The following FIP1L1 variants were observed in gnomAD, a reference collection of about 807,000 sequenced individuals.
FIP1L1 encodes factor interacting with PAPOLA and CPSF1, also known as pre-mRNA 3'-end-processing factor FIP1.
Under a neutral mutation model 84.6 loss-of-function variants are expected in FIP1L1, and 21 were observed. The ratio of observed to expected loss-of-function variants is 0.25; its 90% CI spans 0.18 to 0.36. The LOEUF (loss-of-function observed/expected upper bound fraction) is 0.36, where lower values mean the gene tolerates loss of function less well. Among genes scored for constraint, FIP1L1 ranks in the 10% least tolerant of loss-of-function variants. The pLI, the probability that FIP1L1 is intolerant of heterozygous loss-of-function variation, is 1.00. For synonymous variants in FIP1L1, 263 were observed against 242.3 expected (o/e 1.09, Z -0.80); for missense variants, 526 against 751.1 (o/e 0.70, Z 3.50).
intron 5 of FIP1L1, among the ~76,000 whole-genome samples, chr4:53,385,301 A>G (rs992635882): frequency 1.3e-5 from 2 of 152,138 alleles, no homozygotes; most frequent in Non-Finnish European, 2.9e-5. Context: ...GCAAATGACA[A>G]TTTTTTTGGA....
chr4:53,406,172 A>T (rs1241457094), intron 10 of FIP1L1, among the ~76,000 whole-genome samples: 1 of 152,092 alleles, frequency 6.6e-6, no homozygotes, highest in Non-Finnish European at 1.5e-5. Context: ...TATTATTTTG[A>T]GATACGTCCT....
intron 16 of FIP1L1, 110 bp downstream of exon 16, chr4:53,453,243 A>T: frequency 8.1e-7 from 1 of 1,229,828 alleles, no homozygotes; most frequent in Admixed American, 1.9e-5. Flanking sequence ...ATGCTCAGGG[A>T]GTACATAGGA....
chr4:53,408,868 G>T (rs1380608907), intron 10 of FIP1L1, among the ~76,000 whole-genome samples: 1 of 152,094 alleles, frequency 6.6e-6, no homozygotes, highest in Non-Finnish European at 1.5e-5. Flanking sequence ...GCACTTCTCT[G>T]TATTGGTTAT....
intron 10 of FIP1L1, among the ~76,000 whole-genome samples, chr4:53,414,325 ATGTAT>A (rs1758480669): frequency 6.6e-6 from 1 of 152,130 alleles, no homozygotes; most frequent in African/African-American, 2.4e-5. Context: ...TTTTTGATTA[ATGTAT>A]TGTAACCTGA....
intron 17 of FIP1L1, among the ~76,000 whole-genome samples, 197 bp downstream of exon 17, chr4:53,458,987 C>G (rs1320099263): frequency 6.6e-6 from 1 of 152,078 alleles, no homozygotes; most frequent in African/African-American, 2.4e-5. Context: ...AAAATCAACC[C>G]TATACAGTAT....
intron 9 of FIP1L1, among the ~76,000 whole-genome samples, chr4:53,395,912 T>C (rs1746998548): frequency 1.0e-5 from 1 of 97,478 alleles, no homozygotes; most frequent in Non-Finnish European, 2.1e-5. Context: ...CATAACTGTA[T>C]TTTATGATTT....
intron 11 of FIP1L1, 147 bp downstream of exon 11, chr4:53,414,869 GT>G: frequency 1.9e-6 from 1 of 526,102 alleles, no homozygotes; most frequent in East Asian, 3.2e-5. Context: ...AGGTTTTTTA[GT>G]TACCTTATAA....
At chr4:53,378,565 C>G (rs1280207656) in intron 1 of FIP1L1, 1 of 153,004 alleles carries the variant, frequency 6.5e-6, no homozygotes, top group Non-Finnish European at 1.5e-5. Context: ...ACCGTTTAAC[C>G]TACATCATGG....
chr4:53,431,321 T>G (rs1404207605), intron 13 of FIP1L1, among the ~76,000 whole-genome samples: 7 of 152,170 alleles, frequency 4.6e-5, no homozygotes, highest in African/African-American at 1.4e-4. Flanking sequence ...TAAATCACCT[T>G]AAGAATCATA....
At chr4:53,420,782 T>C (rs555363121) in intron 11 of FIP1L1, among the ~76,000 whole-genome samples, 4 of 152,298 alleles carry the variant, frequency 2.6e-5, no homozygotes, top group African/African-American at 9.6e-5. Flanking sequence ...ATTCCTGGGC[T>C]CAAGTACCAC....
At chr4:53,431,014 G>A (rs1242711599) in intron 13 of FIP1L1, among the ~76,000 whole-genome samples, 3 of 152,160 alleles carry the variant, frequency 2.0e-5, no homozygotes, top group East Asian at 3.8e-4. Flanking sequence ...GTTGGGGAGC[G>A]TACAGGCTAT....
intron 13 of FIP1L1, among the ~76,000 whole-genome samples, chr4:53,430,374 G>T (rs1766084813): frequency 7.2e-6 from 1 of 139,052 alleles, no homozygotes; most frequent in Non-Finnish European, 1.5e-5. Context: ...TTGGAGACAG[G>T]GTCTCACTCT....
chr4:53,383,899 A>T (rs1413843845), intron 5 of FIP1L1, 23 bp downstream of exon 5: 1 of 1,605,606 alleles, frequency 6.2e-7, no homozygotes, highest in East Asian at 2.2e-5. Flanking sequence ...TTAGTAAGTA[A>T]CAATTGTGTA....
At chr4:53,449,100 TTTGTTTTG>T (rs1209468935) in intron 15 of FIP1L1, among the ~76,000 whole-genome samples, 1 of 152,096 alleles carries the variant, frequency 6.6e-6, no homozygotes, top group African/African-American at 2.4e-5. Flanking sequence ...TGTCCCTTTT[TTTGTTTTG>T]TTTATTTGTT....
intron 10 of FIP1L1, among the ~76,000 whole-genome samples, chr4:53,404,564 A>G (rs28804401): frequency 0.045 from 6,807 of 150,980 alleles, 370 homozygotes; most frequent in African/African-American, 0.13. Flanking sequence ...ATTTCTAGTT[A>G]TAGATCCCTG....
At chr4:53,442,173 A>G (rs1772233110) in intron 13 of FIP1L1, 2 of 153,092 alleles carry the variant, frequency 1.3e-5, no homozygotes, top group South Asian at 4.1e-4. Context: ...GGATATTCTC[A>G]GCTTTGAACA....
At position 53,388,631 on chromosome 4, in the gene FIP1L1, G is replaced by A. The variant is rs190419555; in HGVS notation, c.333-1178G>A. Among the ~76,000 whole-genome samples the A allele has an allele frequency of 3.4e-3, 521 of 152,228 alleles. 3 individuals are homozygous for A. Among genetic ancestry groups the A allele is most frequent in the African/African-American group, 8.7e-3 (363 of 41,550 alleles). On this transcript the variant is annotated intron_variant, in intron 5 of 17. Coordinates refer to ENST00000337488, the MANE Select transcript of FIP1L1 (RefSeq NM_030917.4). ...ATTACAGGCGTGAGCCGCCGTGCCC[G>A]GCCGTCTTACTGATATGTTTTTGTT...
intron 10 of FIP1L1, among the ~76,000 whole-genome samples, chr4:53,403,539 G>A (rs372691522): frequency 7.7e-4 from 117 of 152,166 alleles, no homozygotes; most frequent in South Asian, 2.7e-3. Context: ...TCCGTGCTTC[G>A]GATTTGACAA....
At chr4:53,444,573 T>C (rs1773391131) in intron 15 of FIP1L1, among the ~76,000 whole-genome samples, 1 of 152,150 alleles carries the variant, frequency 6.6e-6, no homozygotes, top group Admixed American at 6.6e-5. Context: ...TGATCAGTCA[T>C]TTATTTTAAA....
Sources: allele counts gnomAD v4.1 joint callset (sites outside exome capture counted in the v4.1 genomes callset), GRCh38; gene constraint gnomAD v4.1.1; transcripts MANE v1.5; gene names NCBI Gene and HGNC (gene_info 2026-07-23, HGNC 2026-07-21).